Variants in RC3H1 observed in about 807,000 individuals in gnomAD.
The protein encoded by RC3H1 is roquin-1.
Under a neutral mutation model 138.2 loss-of-function variants are expected in RC3H1, and 50 were observed. The ratio of observed to expected loss-of-function variants is 0.36; its 90% confidence interval spans 0.29 to 0.46. RC3H1 has a LOEUF of 0.46. RC3H1 is among the 20% of genes least tolerant of loss of function. The probability of loss-of-function intolerance (pLI) is 1.00; values close to 1 mark genes in which losing one functional copy is unlikely to be tolerated. For synonymous variants in RC3H1, 462 were observed against 489.1 expected (o/e 0.94, Z 0.73); for missense variants, 1,031 against 1,388.1 (o/e 0.74, Z 4.09).
At chr1:173,968,968 C>A (rs985511161) in intron 9 of RC3H1, among the ~76,000 whole-genome samples, 5 of 150,684 alleles carry the variant, frequency 3.3e-5, no homozygotes, top group African/African-American at 1.2e-4. Context: ...AAGCGATTCT[C>A]CTGCCTCAGC....
At chr1:173,955,442 C>T (rs917532870) in intron 13 of RC3H1, among the ~76,000 whole-genome samples, 13 of 150,406 alleles carry the variant, frequency 8.6e-5, no homozygotes, top group African/African-American at 1.7e-4. Context: ...CTCAGCCTCC[C>T]GAGGAGCTGG....
intron 13 of RC3H1, among the ~76,000 whole-genome samples, chr1:173,952,356 T>C (rs968295645): frequency 6.9e-6 from 1 of 144,296 alleles, no homozygotes; most frequent in African/African-American, 2.6e-5. Flanking sequence ...GATTTTTAGC[T>C]TTCAGGTTTT....
At chr1:173,959,631 C>T (rs1048998389) in intron 13 of RC3H1, among the ~76,000 whole-genome samples, 3 of 151,948 alleles carry the variant, frequency 2.0e-5, no homozygotes, top group Non-Finnish European at 4.4e-5. Flanking sequence ...ATTAGCCGGG[C>T]ATGGTGGCTC....
intron 1 of RC3H1, among the ~76,000 whole-genome samples, chr1:174,009,761 C>A (rs1661717138): frequency 6.6e-6 from 1 of 152,168 alleles, no homozygotes; most frequent in Non-Finnish European, 1.5e-5. Flanking sequence ...TCACTTGAAC[C>A]CGGGAGGCAG....
At chr1:173,943,829 T>C (rs1659015925) in intron 17 of RC3H1, among the ~76,000 whole-genome samples, 1 of 152,108 alleles carries the variant, frequency 6.6e-6, no homozygotes, top group South Asian at 2.1e-4. Flanking sequence ...AGTAATTTCA[T>C]CTTATGTATA....
chr1:173,943,155 A>G (rs1017296613), intron 18 of RC3H1, among the ~76,000 whole-genome samples: 2 of 152,202 alleles, frequency 1.3e-5, no homozygotes, highest in Non-Finnish European at 2.9e-5. Flanking sequence ...TCAGTATGCT[A>G]AACAGAAATT....
chr1:173,947,421 T>C lies in RC3H1; in HGVS notation c.2685A>G (p.Pro895=), dbSNP rs2102868890. 1 of 1,614,120 alleles carries C rather than the reference T, an allele frequency of 6.2e-7. No individual in the cohort carries two copies. Among genetic ancestry groups the C allele is most frequent in the South Asian group, 1.1e-5 (1 of 91,080 alleles). Residue 895 remains proline (P), a synonymous_variant, in exon 15 of 20, where the codon CCA becomes CCG. Transcript: ENST00000367696. ...TSKTIYQGAG[P]MQAMAPQGAP... is the part of the protein sequence containing the mutation. ...CTCCCTGAGGTGCCATAGCCTGCAT[T>C]GGACCAGCACCCTGATATATAGTTT...
intron 7 of RC3H1, 96 bp from the exon 8 acceptor site, chr1:173,972,723 A>T: frequency 2.5e-6 from 2 of 799,272 alleles, no homozygotes; most frequent in Non-Finnish European, 4.4e-6. Flanking sequence ...CATTTCAGTG[A>T]AATCAAGCTT....
At chr1:174,012,778 C>A (rs1661791211) in intron 1 of RC3H1, among the ~76,000 whole-genome samples, 2 of 133,114 alleles carry the variant, frequency 1.5e-5, no homozygotes, top group Admixed American at 7.1e-5. Flanking sequence ...GAGTGAGACT[C>A]TGTCTCAAAA....
intron 13 of RC3H1, among the ~76,000 whole-genome samples, chr1:173,956,982 C>T (rs949252689): frequency 6.6e-6 from 1 of 151,358 alleles, no homozygotes; most frequent in Non-Finnish European, 1.5e-5. Context: ...GGTGCGATCT[C>T]GGCTCACTGC....
intron 1 of RC3H1, among the ~76,000 whole-genome samples, chr1:174,017,954 C>T (rs895591275): frequency 6.6e-6 from 1 of 152,022 alleles, no homozygotes; most frequent in African/African-American, 2.4e-5. Flanking sequence ...TGCCTGTAAT[C>T]TCAGCACTTT....
chr1:173,993,068 A>C lies in RC3H1; in HGVS notation c.-83T>G, dbSNP rs576901570. ...TCCACTGGAATCAAAATCTTTGAAA[A>C]AAAGTTTATCTTTTTTTTTTTTAAA... is the stretch of plus-strand genomic sequence containing the variant. On this transcript the variant is annotated 5_prime_UTR_variant, in exon 2 of 20. Transcript: ENST00000367696. 160 of 1,042,544 alleles carry C rather than the reference A, an allele frequency of 1.5e-4. 2 individuals are homozygous for C. The South Asian group carries it at 2.3e-3, about 15-fold the overall frequency. The allele number at this position is 1,042,544 out of a possible 1,614,324, so 64.6% of individuals were successfully genotyped here.
chr1:173,981,951 T>C (rs534889919), intron 5 of RC3H1, among the ~76,000 whole-genome samples: 2 of 151,948 alleles, frequency 1.3e-5, no homozygotes, highest in South Asian at 4.2e-4. Flanking sequence ...TGATACATAG[T>C]GAGTAGCAAT....
chr1:173,969,100 G>T (rs927821378), intron 9 of RC3H1, among the ~76,000 whole-genome samples: 13 of 151,536 alleles, frequency 8.6e-5, no homozygotes, highest in Non-Finnish European at 1.8e-4. Context: ...CTTGTGATCC[G>T]CCCGCTTCAG....
chr1:173,968,960 G>A (rs1660235279), intron 9 of RC3H1, among the ~76,000 whole-genome samples: 1 of 148,894 alleles, frequency 6.7e-6, no homozygotes. Context: ...CCGGGTTCAA[G>A]CGATTCTCCT....
At chr1:173,999,780 T>C (rs1661532904) in intron 1 of RC3H1, among the ~76,000 whole-genome samples, 1 of 152,230 alleles carries the variant, frequency 6.6e-6, no homozygotes, top group African/African-American at 2.4e-5. Flanking sequence ...AACTAGGATA[T>C]TATACTTTCA....
rs1331107234 is a variant in RC3H1, at chr1:173,933,342, T to G, written c.*5379A>C. On this transcript the variant is annotated 3_prime_UTR_variant, in exon 20 of 20. Transcript: ENST00000367696. ...AGGGCTCTTTACCCACTTTGTTCAG[T>G]GCAGTATTGAAAACATACCTATTAG... 6.6e-6 allele frequency: 1 copy of G among 152,070 alleles called. No individual in the cohort carries two copies. The highest frequency in any genetic ancestry group is 1.5e-5 in the Non-Finnish European group (1 of 67,962). 9.4% of individuals were successfully genotyped at this position (152,070 alleles called of 1,614,324 possible). A position where few individuals can be genotyped will look rare whatever the true frequency, so the allele number is the denominator to read the frequency against.
At chr1:174,007,376 C>T (rs937628560) in intron 1 of RC3H1, among the ~76,000 whole-genome samples, 10 of 150,378 alleles carry the variant, frequency 6.6e-5, no homozygotes, top group Admixed American at 1.3e-4. Flanking sequence ...GGCGACAGAG[C>T]GAGACTCCAT....
intron 8 of RC3H1, among the ~76,000 whole-genome samples, chr1:173,971,078 C>T (rs567756207): frequency 4.7e-4 from 72 of 151,838 alleles, no homozygotes; most frequent in African/African-American, 1.6e-3. Context: ...TCTCCTGCCT[C>T]AGCCTCCTGA....
Sources: allele counts gnomAD v4.1 joint callset (sites outside exome capture counted in the v4.1 genomes callset), GRCh38; gene constraint gnomAD v4.1.1; transcripts MANE v1.5; gene names NCBI Gene and HGNC (gene_info 2026-07-23, HGNC 2026-07-21).